The following TFAP4 variants were observed in gnomAD, a reference collection of about 807,000 sequenced individuals.
TFAP4 encodes transcription factor AP-4.
TFAP4 carries 7 observed loss-of-function variants against 40.4 expected under a neutral mutation model. The ratio of observed to expected loss-of-function variants is 0.17; its 90% confidence interval spans 0.10 to 0.33. The LOEUF (loss-of-function observed/expected upper bound fraction) is 0.33. TFAP4 is among the 10% of genes least tolerant of loss of function. The pLI is 1.00. For missense variants in TFAP4, 374 were observed against 451.1 expected, an observed-to-expected ratio of 0.83 and a Z score of 1.55; for synonymous variants, 218 against 181.4, an observed-to-expected ratio of 1.20 and a Z score of -1.62.
chr16:4,270,614 T>C (rs1376234491), intron 1 of TFAP4, among the ~76,000 whole-genome samples: 2 of 152,188 alleles, frequency 1.3e-5, no homozygotes, highest in East Asian at 3.8e-4. Flanking sequence ...ACGAAGGCCC[T>C]ACACCTTCAA....
intron 6 of TFAP4, among the ~76,000 whole-genome samples, chr16:4,259,001 T>C (rs1293940133): frequency 1.3e-5 from 2 of 151,040 alleles, no homozygotes; most frequent in African/African-American, 4.9e-5. Flanking sequence ...GGCAGGAGAA[T>C]CACTTGAACC....
intron 6 of TFAP4, among the ~76,000 whole-genome samples, chr16:4,259,207 C>G (rs1245181229): frequency 1.3e-5 from 2 of 152,046 alleles, no homozygotes; most frequent in East Asian, 1.9e-4. Context: ...AATCTCAGCT[C>G]ACTGCAACTT....
chr16:4,272,428 G>C (rs2053047199), intron 1 of TFAP4, among the ~76,000 whole-genome samples: 1 of 152,094 alleles, frequency 6.6e-6, no homozygotes, highest in Non-Finnish European at 1.5e-5. Flanking sequence ...CGACTCGCCC[G>C]CCTGCAGCGG....
intron 1 of TFAP4, chr16:4,263,009 A>C: frequency 3.0e-6 from 1 of 336,386 alleles, no homozygotes; most frequent in Non-Finnish European, 5.6e-6. Flanking sequence ...CCCTGTCTCT[A>C]CAAAAAAATA....
intron 1 of TFAP4, among the ~76,000 whole-genome samples, chr16:4,270,451 G>A (rs1403841417): frequency 6.6e-6 from 1 of 152,162 alleles, no homozygotes; most frequent in African/African-American, 2.4e-5. Context: ...TGGCCAGAAG[G>A]TCCTGCCTAA....
chr16:4,263,133 C>T, intron 1 of TFAP4: 1 of 189,710 alleles, frequency 5.3e-6, no homozygotes, highest in Non-Finnish European at 1.1e-5. Flanking sequence ...GATCACGCCA[C>T]TGCACTTCAG....
Position 4,260,095 on chromosome 16 carries a change from C to T in TFAP4, c.817G>A (p.Val273Met), listed in dbSNP as rs755851865. 7 of 1,610,984 alleles carry T rather than the reference C, an allele frequency of 4.3e-6. No homozygotes were observed. Among genetic ancestry groups the T allele is most frequent in the East Asian group, 2.3e-5 (1 of 44,442 alleles). The change falls in exon 6 of 7, where the codon GTG becomes ATG. Residue 273 changes from valine (V) to methionine (M), a missense_variant. Around this residue, in one of 6 missense-constraint regions of TFAP4, gnomAD observed 9 missense variants for 28.7 expected, o/e 0.31. Coordinates refer to ENST00000204517, the MANE Select transcript of TFAP4 (RefSeq NM_003223.3). Reference sequence around the variant, plus strand: ...CCTTTCTCAAGCTCAGGTACCTGCACGATGGTGTCCAGATTTTGCCGGGAT... The same window carrying T: ...CCTTTCTCAAGCTCAGGTACCTGCATGATGGTGTCCAGATTTTGCCGGGAT... ...STSRQNLDTI[V>M]QAIQHIEGTQ... is the part of the protein sequence containing the mutation.
In TFAP4 at chr16:4,272,954, A is replaced by ATGTGTGTG. The variant is rs71139626; in HGVS notation, c.-216_-209dup. ...CCGGCCTGCCTCCCCGGGCGTGTGT[A>ATGTGTGTG]TGTGTGTGTGTGTGTGTGTGTGTGT... On this transcript the variant is annotated 5_prime_UTR_variant, in exon 1 of 7. Transcript: ENST00000204517. 515 of 156,246 alleles carry ATGTGTGTG rather than the reference A, an allele frequency of 3.3e-3. 3 individuals carry two copies. The highest frequency in any genetic ancestry group is 4.3e-3 in the African/African-American group (112 of 26,034). The allele number at this position is 156,246 out of a possible 1,614,324, so 9.7% of individuals were successfully genotyped here.
Position 4,271,686 on chromosome 16 carries a change from T to A in TFAP4, c.89+972A>T, listed in dbSNP as rs550529299. 2.0e-5 allele frequency among the ~76,000 whole-genome samples: 3 copies of A among 152,156 alleles called. No homozygotes were observed. In the South Asian group the frequency reaches 6.2e-4, roughly 31 times the overall value. ...GCTGGGGGACCCGACGCTTTCGGTT[T>A]ACGGCAGGGGGGAGGGGCGTTGGAT... On this transcript the variant is annotated intron_variant, in intron 1 of 6. Coordinates refer to ENST00000204517, the MANE Select transcript of TFAP4 (RefSeq NM_003223.3).
intron 6 of TFAP4, 188 bp from the exon 7 acceptor site, chr16:4,258,437 A>T (rs1193924127): frequency 1.8e-6 from 1 of 566,796 alleles, no homozygotes; most frequent in Admixed American, 3.4e-5. Context: ...TTTTGGAGAC[A>T]AGCTCTCGCT....
At position 4,260,589 on chromosome 16, in the gene TFAP4, A is replaced by G. The variant is rs1158252392; in HGVS notation, c.532T>C (p.Ser178Pro). ...VRMMLEEQVR[S>P]LEAHMYPEKL... ...TCCGGGTACATGTGGGCCTCCAGCGAGCGCACCTGGAGGCAGGACAACCTG... is the reference window on the plus strand; with the variant it reads ...TCCGGGTACATGTGGGCCTCCAGCGGGCGCACCTGGAGGCAGGACAACCTG... The change falls in exon 5 of 7, where the codon TCG becomes CCG. Residue 178 changes from serine to proline, a missense_variant. This residue lies in a region of TFAP4 where 161 missense variants were observed against 154.2 expected (regional missense o/e 1.04). Coordinates refer to ENST00000204517, the MANE Select transcript of TFAP4 (RefSeq NM_003223.3). 1 of 1,602,912 alleles carries G rather than the reference A, an allele frequency of 6.2e-7. No individual in the cohort carries two copies. The highest frequency in any genetic ancestry group is 8.5e-7 in the Non-Finnish European group (1 of 1,175,630).
chr16:4,266,939 G>C (rs1017219512), intron 1 of TFAP4: 1 of 152,290 alleles, frequency 6.6e-6, no homozygotes, highest in Non-Finnish European at 1.5e-5. Context: ...TTGGCTCACT[G>C]CAATCTCTAC....
chr16:4,271,916 C>G (rs971048485), intron 1 of TFAP4, among the ~76,000 whole-genome samples: 4 of 152,200 alleles, frequency 2.6e-5, no homozygotes, highest in African/African-American at 9.6e-5. Flanking sequence ...ACACGGAGAA[C>G]TACAGCTCCC....
At chr16:4,267,846 C>T (rs973901690) in intron 1 of TFAP4, among the ~76,000 whole-genome samples, 11 of 152,180 alleles carry the variant, frequency 7.2e-5, no homozygotes, top group African/African-American at 2.2e-4. Flanking sequence ...GCTCCATCCC[C>T]GCTGCTTCTA....
intron 1 of TFAP4, chr16:4,264,554 C>G (rs752492795): frequency 3.9e-5 from 6 of 152,292 alleles, no homozygotes; most frequent in Non-Finnish European, 8.8e-5. Context: ...CCCGGGCCCC[C>G]CACTTTCCAT....
Position 4,260,224 on chromosome 16 carries a change from T to TCCCGGGGGGGGGGGGGGG in TFAP4, c.687_688insCCCCCCCCCCCCCCCGGG (p.Pro229_Thr230insProProProProProGly). 4.5e-6 allele frequency: 1 copy of TCCCGGGGGGGGGGGGGGG among 223,754 alleles called. No homozygotes were observed. Among genetic ancestry groups the TCCCGGGGGGGGGGGGGGG allele is most frequent in the Non-Finnish European group, 7.9e-6 (1 of 126,034 alleles). 13.9% of individuals were successfully genotyped at this position (223,754 alleles called of 1,614,324 possible). On this transcript the variant is annotated inframe_insertion, in exon 6 of 7. Transcript: ENST00000204517. ...GGCACGATCACCGTGGGGTGGTGGGTGGGGGCCGGAGGGGGCAGAAGCTGC... is the reference window on the plus strand; with the variant it reads ...GGCACGATCACCGTGGGGTGGTGGGTCCCGGGGGGGGGGGGGGGGGGGGCCGGAGGGGGCAGAAGCTGC...
At position 4,272,759 on chromosome 16, in the gene TFAP4, C is replaced by T. The variant is rs745457943; in HGVS notation, c.-13G>A. On this transcript the variant is annotated 5_prime_UTR_variant, in exon 1 of 7. Coordinates refer to ENST00000204517, the MANE Select transcript of TFAP4 (RefSeq NM_003223.3). ...TGAAATACTCCATAGCGATCGGCCC[C>T]CCTCCTCTGCACGAGCCAGGTCCCG... is the stretch of plus-strand genomic sequence containing the variant. 1.9e-6 allele frequency: 3 copies of T among 1,612,198 alleles called. No homozygotes were observed. The highest frequency in any genetic ancestry group is 1.1e-5 in the South Asian group (1 of 90,962).
intron 1 of TFAP4, 32 bp downstream of exon 1, chr16:4,272,626 A>G: frequency 6.7e-7 from 1 of 1,493,920 alleles, no homozygotes; most frequent in Non-Finnish European, 9.1e-7. Context: ...CTGCAGTGGT[A>G]GGAAGGGGGT....
chr16:4,268,549 T>A (rs1567202884), intron 1 of TFAP4, among the ~76,000 whole-genome samples: 1 of 152,144 alleles, frequency 6.6e-6, no homozygotes, highest in Admixed American at 6.6e-5. Context: ...CTTGAACTCC[T>A]TCTTATGGGA....
Sources: gnomAD v4.1 joint callset for allele counts (sites outside exome capture counted in the v4.1 genomes callset) on GRCh38, gnomAD v4.1.1 for gene constraint, gnomAD v4.1.1 regional missense constraint, MANE v1.5 for transcripts, NCBI Gene and HGNC (gene_info 2026-07-23, HGNC 2026-07-21) for gene names.